Variants in TRMT6 observed in about 807,000 individuals in gnomAD.
The protein encoded by TRMT6 is tRNA (adenine(58)-N(1))-methyltransferase non-catalytic subunit TRM6.
A neutral mutation model predicts 59.0 loss-of-function variants in TRMT6; 34 were observed. That is an observed-to-expected ratio of 0.58 (90% CI 0.44 to 0.77). The LOEUF (loss-of-function observed/expected upper bound fraction) is 0.77. TRMT6 is among the 30% of genes least tolerant of loss of function. The pLI, the probability that TRMT6 is intolerant of heterozygous loss-of-function variation, is 0.00. For missense variants in TRMT6, 575 were observed against 604.5 expected, an observed-to-expected ratio of 0.95 and a Z score of 0.51; for synonymous variants, 217 against 210.5, an observed-to-expected ratio of 1.03 and a Z score of -0.27.
Position 5,938,633 on chromosome 20 carries a change from CTTTAAGG to C in TRMT6, c.1389_1395del (p.Asn463LysfsTer13). 6.2e-7 allele frequency: 1 copy of C among 1,614,220 alleles called. No homozygotes were observed. Among genetic ancestry groups the C allele is most frequent in the Non-Finnish European group, 8.5e-7 (1 of 1,180,040 alleles). On this transcript the variant is annotated frameshift_variant, in exon 11 of 11. Transcript: ENST00000203001. LOFTEE classifies it high-confidence loss of function. ...GCATTAGATTTGAGGCTGGTGTCTG[CTTTAAGG>C]TTGTCCATGGCAACGGTGAAGCCGG...
Position 5,941,274 on chromosome 20 carries a change from C to T in TRMT6, c.1184G>A (p.Arg395Lys). The T allele has an allele frequency of 6.2e-7, 1 of 1,614,192 alleles. No individual in the cohort carries two copies. Among genetic ancestry groups the T allele is most frequent in the Non-Finnish European group, 8.5e-7 (1 of 1,180,038 alleles). ...GTACTGACAGTAGACCACAAACGGC[C>T]TTGAAGGGGCCACAAAGTCCAGCAA... Reference protein sequence around the residue: ...LSLLDFVAPSRPFVVYCQYKE... With the variant: ...LSLLDFVAPSKPFVVYCQYKE... Residue 395 changes from arginine to lysine, a missense_variant, in exon 9 of 11, where the codon AGG (arginine) becomes AAG (lysine). Arg to Lys is a conservative substitution (Grantham distance 26). Transcript: ENST00000203001.
chr20:5,941,411 G>C, intron 8 of TRMT6, 66 bp from the exon 9 acceptor site: 1 of 1,143,350 alleles, frequency 8.7e-7, no homozygotes, highest in Non-Finnish European at 1.3e-6. Flanking sequence ...GTTTTAAAAT[G>C]CATTTAAAAT....
intron 3 of TRMT6, 119 bp from the exon 4 acceptor site, chr20:5,944,372 A>G (rs567904274): frequency 6.6e-4 from 388 of 583,892 alleles, no homozygotes; most frequent in African/African-American, 3.4e-3. Flanking sequence ...CCTTTTCCAC[A>G]GAAGTCCAAA....
chr20:5,944,943 T>G (rs1381942070), intron 2 of TRMT6, 29 bp from the exon 3 acceptor site: 1 of 1,535,990 alleles, frequency 6.5e-7, no homozygotes, highest in Admixed American at 1.7e-5. Context: ...CTATTGACAT[T>G]TATGGTCTGA....
chr20:5,943,661 C>G lies in TRMT6; in HGVS notation c.565G>C (p.Ala189Pro). 2 of 1,614,168 alleles carry G rather than the reference C, an allele frequency of 1.2e-6. No homozygotes were observed. Among genetic ancestry groups the G allele is most frequent in the Non-Finnish European group, 1.7e-6 (2 of 1,180,024 alleles). Residue 189 changes from alanine (A) to proline (P), a missense_variant, in exon 6 of 11, where the codon GCC becomes CCC. Transcript: ENST00000203001. Reference protein sequence around the residue: ...KINHMRYDTLAQMLTLGNIRA... With the variant: ...KINHMRYDTLPQMLTLGNIRA... ...ATATTTCCCAACGTCAACATCTGGGCTAGTGTATCGTATCTCATGTGGCTA... is the reference window on the plus strand; with the variant it reads ...ATATTTCCCAACGTCAACATCTGGGGTAGTGTATCGTATCTCATGTGGCTA...
In TRMT6 at chr20:5,938,752, T is replaced by C. The variant is rs188083814; in HGVS notation, c.1303-26A>G. On this transcript the variant is annotated intron_variant, in intron 10 of 10. Coordinates refer to ENST00000203001, the MANE Select transcript of TRMT6 (RefSeq NM_015939.5). ...CTAATCAAGACAGAAAAGACATTCATGCTTTCCTAAGACAATAAAGTCCAT... is the reference window on the plus strand; with the variant it reads ...CTAATCAAGACAGAAAAGACATTCACGCTTTCCTAAGACAATAAAGTCCAT... The C allele has an allele frequency of 3.7e-6, 6 of 1,606,452 alleles. No homozygotes were observed. The African/African-American group carries it at 5.3e-5, about 14-fold the overall frequency.
rs755282474 is a variant in TRMT6 at position 5,941,039 on chromosome 20, G to C, written c.1302+14C>G. On this transcript the variant is annotated intron_variant, in intron 10 of 10. Coordinates refer to ENST00000203001, the MANE Select transcript of TRMT6 (RefSeq NM_015939.5). ...GGGAGGGCAGCTCTTGGGACTGGCT[G>C]TAAGAACACGTACCTGATAATTTCT... is the stretch of plus-strand genomic sequence containing the variant. 3.7e-6 allele frequency: 6 copies of C among 1,608,770 alleles called. No homozygotes were observed. The South Asian group carries it at 5.5e-5, about 15-fold the overall frequency.
chr20:5,938,275 C>T lies in TRMT6; in HGVS notation c.*260G>A, dbSNP rs2122594399. 2.9e-6 allele frequency: 1 copy of T among 350,286 alleles called. No individual in the cohort carries two copies. The highest frequency in any genetic ancestry group is 1.1e-4 in the South Asian group (1 of 8,908). 21.7% of individuals were successfully genotyped at this position (350,286 alleles called of 1,614,324 possible). A position where few individuals can be genotyped will look rare whatever the true frequency, so the allele number is the denominator to read the frequency against. ...GATGTTGAAGTTCTCAAGATATTTG[C>T]ACAGAATATTTAGAAGTACTTAGAG... On this transcript the variant is annotated 3_prime_UTR_variant, in exon 11 of 11. Transcript: ENST00000203001.
Position 5,943,998 on chromosome 20 carries a change from GGATGGCTTCACAACAGTAAT to G in TRMT6, c.472_491del (p.Ile158HisfsTer17). The G allele has an allele frequency of 6.2e-7, 1 of 1,609,622 alleles. No individual in the cohort carries two copies. The highest frequency in any genetic ancestry group is 8.5e-7 in the Non-Finnish European group (1 of 1,178,144). ...AATACATAATTGAAAGAATACGGGT[GGATGGCTTCACAACAGTAAT>G]GATGGCTTCATATCTGGGGGAAGAA... On this transcript the variant is annotated frameshift_variant, in exon 5 of 11. Coordinates refer to ENST00000203001, the MANE Select transcript of TRMT6 (RefSeq NM_015939.5). LOFTEE classifies it high-confidence loss of function.
chr20:5,944,218 T>A lies in TRMT6; in HGVS notation c.402A>T (p.Thr134=). 6.4e-7 allele frequency: 1 copy of A among 1,573,288 alleles called. No homozygotes were observed. The highest frequency in any genetic ancestry group is 2.2e-4 in the Middle Eastern group (1 of 4,546). Residue 134 remains threonine, a synonymous_variant, in exon 4 of 11, where the codon ACA becomes ACT. Transcript: ENST00000203001. ...GGGCAAATTCTGTCTTGTCTCGGAA[T>A]GTTGTACTATTTTCAATTAACTGCT... The part of the protein sequence containing the change: ...IVQQLIENST[T]FRDKTEFAQD...
At position 5,946,441 on chromosome 20, in the gene TRMT6, A is replaced by G; in HGVS notation, c.221T>C (p.Leu74Pro). The G allele has an allele frequency of 6.2e-7, 1 of 1,614,172 alleles. No individual in the cohort carries two copies. Residue 74 changes from leucine to proline, a missense_variant, in exon 2 of 11, where the codon CTA becomes CCA. Physicochemically the swap from Leu to Pro is moderately conservative, Grantham distance 98 (BLOSUM62 -3). Coordinates refer to ENST00000203001, the MANE Select transcript of TRMT6 (RefSeq NM_015939.5). ...CTCTTCCCTCTTCTTCTTGGGCTGT[A>G]GACTTCCTCCACTGGTCACTTCAAA... ...TAFEVTSGGS[L>P]QPKKKREEPT...
At chr20:5,948,326 T>C (rs1219505910) in intron 1 of TRMT6, among the ~76,000 whole-genome samples, 1 of 152,124 alleles carries the variant, frequency 6.6e-6, no homozygotes, top group Non-Finnish European at 1.5e-5. Flanking sequence ...GAGTAGGATT[T>C]GCAGAGTCTA....
chr20:5,940,510 T>C (rs2088646636), intron 10 of TRMT6, among the ~76,000 whole-genome samples: 1 of 152,178 alleles, frequency 6.6e-6, no homozygotes, highest in South Asian at 2.1e-4. Context: ...TAATATATTC[T>C]GACATAACAA....
chr20:5,947,034 G>T (rs2088713632), intron 1 of TRMT6, among the ~76,000 whole-genome samples: 1 of 152,198 alleles, frequency 6.6e-6, no homozygotes. Context: ...TCTGCTGAGT[G>T]CCAACCAGGG....
chr20:5,940,464 T>A (rs137929406), intron 10 of TRMT6, among the ~76,000 whole-genome samples: 181 of 152,338 alleles, frequency 1.2e-3, no homozygotes, highest in African/African-American at 4.3e-3. Flanking sequence ...CCATAATGGT[T>A]TGCATTTTAA....
rs771297184 is a variant in TRMT6 at position 5,946,539 on chromosome 20, GA to G, written c.129-7del. ...GTTTTTCGAAAGTTACTTTTCTAGG[GA>G]AAAAAAGTAATCAATTAACTGAATA... On this transcript the variant is annotated splice_region_variant and splice_polypyrimidine_tract_variant and intron_variant, in intron 1 of 10. Coordinates refer to ENST00000203001, the MANE Select transcript of TRMT6 (RefSeq NM_015939.5). 2 of 1,610,232 alleles carry G rather than the reference GA, an allele frequency of 1.2e-6. No homozygotes were observed. Among genetic ancestry groups the G allele is most frequent in the South Asian group, 1.1e-5 (1 of 90,590 alleles).
chr20:5,941,437 T>C lies in TRMT6; in HGVS notation c.1113-92A>G, dbSNP rs541972471. ...CATTTAAAATGATCATGTATTTAAT[T>C]TGCATGACTCACAAAGAGAAGAGAT... On this transcript the variant is annotated intron_variant, in intron 8 of 10. Transcript: ENST00000203001. 43 of 869,082 alleles carry C rather than the reference T, an allele frequency of 4.9e-5. 1 individual carries two copies. The highest frequency in any genetic ancestry group is 3.5e-4 in the Admixed American group (15 of 42,532). 53.8% of individuals were successfully genotyped at this position (869,082 alleles called of 1,614,324 possible). A position where few individuals can be genotyped will look rare whatever the true frequency, so the allele number is the denominator to read the frequency against.
chr20:5,943,088 C>G (rs1466317093), intron 6 of TRMT6, among the ~76,000 whole-genome samples: 1 of 152,172 alleles, frequency 6.6e-6, no homozygotes, highest in African/African-American at 2.4e-5. Flanking sequence ...ACTCTGCTTC[C>G]CCTCACTCCG....
At chr20:5,947,087 A>C (rs1382058095) in intron 1 of TRMT6, among the ~76,000 whole-genome samples, 1 of 152,192 alleles carries the variant, frequency 6.6e-6, no homozygotes, top group African/African-American at 2.4e-5. Context: ...TTTTTGATTT[A>C]ATTCTCACGG....
Sources: allele counts gnomAD v4.1 joint callset (sites outside exome capture counted in the v4.1 genomes callset), GRCh38; gene constraint gnomAD v4.1.1; transcripts MANE v1.5; gene names NCBI Gene and HGNC (gene_info 2026-07-23, HGNC 2026-07-21).